The following CLIP4 variants were observed in gnomAD, a reference collection of about 807,000 sequenced individuals.
The protein encoded by CLIP4 is CAP-Gly domain containing linker protein family member 4.
A neutral mutation model predicts 73.1 loss-of-function variants in CLIP4; 47 were observed. The ratio of observed to expected loss-of-function variants is 0.64; its 90% CI spans 0.51 to 0.82. The LOEUF is 0.82. Among genes scored for constraint, CLIP4 ranks in the 40% least tolerant of loss-of-function variants. The probability of loss-of-function intolerance (pLI) is 0.00; values close to 1 mark genes in which losing one functional copy is unlikely to be tolerated. For synonymous variants in CLIP4, 306 were observed against 295.4 expected (o/e 1.04, Z -0.37); for missense variants, 874 against 852.9 (o/e 1.02, Z -0.31).
upstream of CLIP4, among the ~76,000 whole-genome samples, chr2:29,111,635 G>A (rs1401106819): frequency 1.3e-5 from 2 of 151,940 alleles, no homozygotes; most frequent in Non-Finnish European, 2.9e-5. Flanking sequence ...ATTTTATATT[G>A]ACTTCCTTTT....
chr2:29,175,127 G>A (rs1032105215), intron 15 of CLIP4, among the ~76,000 whole-genome samples: 11 of 152,156 alleles, frequency 7.2e-5, no homozygotes, highest in Non-Finnish European at 1.2e-4. Flanking sequence ...TGGGACCCTA[G>A]GAGCCACGAG....
chr2:29,163,639 G>A (rs1398478099), intron 12 of CLIP4, among the ~76,000 whole-genome samples, 192 bp from the exon 13 acceptor site: 2 of 152,000 alleles, frequency 1.3e-5, no homozygotes, highest in Non-Finnish European at 1.5e-5. Context: ...CTTGTAAAAT[G>A]TTTTTCCTGT....
intron 6 of CLIP4, among the ~76,000 whole-genome samples, chr2:29,137,135 A>C (rs1665423093): frequency 6.6e-6 from 1 of 151,896 alleles, no homozygotes; most frequent in African/African-American, 2.4e-5. Flanking sequence ...CCGTCACCCA[A>C]ACAGTGAACA....
At chr2:29,159,754 A>G (rs932215936) in intron 11 of CLIP4, among the ~76,000 whole-genome samples, 11 of 152,172 alleles carry the variant, frequency 7.2e-5, no homozygotes, top group African/African-American at 2.6e-4. Flanking sequence ...GTCTAAGTGA[A>G]CTATTAATAC....
At chr2:29,129,178 T>A (rs1664806932) in intron 2 of CLIP4, among the ~76,000 whole-genome samples, 1 of 152,192 alleles carries the variant, frequency 6.6e-6, no homozygotes. Context: ...AATTCACTTG[T>A]CTAACATGAG....
At chr2:29,130,840 T>G in intron 2 of CLIP4, 1 of 1,289,420 alleles carries the variant, frequency 7.8e-7, no homozygotes, top group Non-Finnish European at 1.0e-6. Context: ...CAAAAAAACC[T>G]CAATGAGTCC....
rs141411564 is a variant in CLIP4 at position 29,106,819 on chromosome 2, T to A, written c.-16+8872T>A. Reference sequence around the variant, plus strand: ...CTTCTGGTTGTGATGATCTTGATGATAAAGATATTGCATGATATATTTTGA... The same window carrying A: ...CTTCTGGTTGTGATGATCTTGATGAAAAAGATATTGCATGATATATTTTGA... On this transcript the variant is annotated intron_variant, in intron 1 of 14. Coordinates refer to the CLIP4 transcript ENST00000401605. 3.1e-3 allele frequency among the ~76,000 whole-genome samples: 476 copies of A among 152,318 alleles called. 1 individual carries two copies. The highest frequency in any genetic ancestry group is 0.011 in the African/African-American group (454 of 41,572).
At position 29,132,188 on chromosome 2, in the gene CLIP4, G is replaced by A; in HGVS notation, c.310G>A (p.Gly104Arg). ...AGGTTGCAATGTGAATGATAGAGAT[G>A]GATTGACAGATATGACTCTTTTACA... Reference protein sequence around the residue: ...KRGCNVNDRDGLTDMTLLHYT... With the variant: ...KRGCNVNDRDRLTDMTLLHYT... Residue 104 changes from glycine (G) to arginine (R), a missense_variant, in exon 4 of 16, where the codon GGA (glycine) becomes AGA (arginine). Transcript: ENST00000320081. The A allele has an allele frequency of 1.2e-6, 2 of 1,613,774 alleles. No individual in the cohort carries two copies. Among genetic ancestry groups the A allele is most frequent in the Non-Finnish European group, 8.5e-7 (1 of 1,179,802 alleles).
chr2:29,142,860 G>A (rs907184268), intron 6 of CLIP4, among the ~76,000 whole-genome samples: 18 of 152,224 alleles, frequency 1.2e-4, no homozygotes, highest in African/African-American at 4.1e-4. Flanking sequence ...GGGAATGTAA[G>A]ATGACAGATA....
At chr2:29,151,115 T>C (rs1240588797) in intron 8 of CLIP4, among the ~76,000 whole-genome samples, 2 of 152,188 alleles carry the variant, frequency 1.3e-5, no homozygotes, top group East Asian at 3.8e-4. Context: ...TTAGAGTATT[T>C]TCTCATGATT....
At chr2:29,098,822 C>T (rs929814279) in intron 1 of CLIP4, among the ~76,000 whole-genome samples, 1 of 152,176 alleles carries the variant, frequency 6.6e-6, no homozygotes, top group African/African-American at 2.4e-5. Flanking sequence ...TTTTGCATTC[C>T]CACCAGCAAT....
At chr2:29,179,327 G>C (rs575476186) in intron 15 of CLIP4, among the ~76,000 whole-genome samples, 1 of 151,860 alleles carries the variant, frequency 6.6e-6, no homozygotes, top group Admixed American at 6.6e-5. Flanking sequence ...ACATTCTTAC[G>C]ACAGAGCCAC....
upstream of CLIP4, among the ~76,000 whole-genome samples, chr2:29,113,464 C>T (rs775567758): frequency 6.6e-6 from 1 of 152,164 alleles, no homozygotes; most frequent in African/African-American, 2.4e-5. This position sits in a 1 kb window ranked among gnomAD's most constrained non-coding sequence, Gnocchi z 4.0. Flanking sequence ...TTGTATGTCA[C>T]GAGGTATTCT....
chr2:29,145,409 AT>A (rs765905727), intron 8 of CLIP4, 42 bp downstream of exon 8: 6 of 1,506,566 alleles, frequency 4.0e-6, no homozygotes, highest in Non-Finnish European at 5.4e-6. Flanking sequence ...TTAATTAAAA[AT>A]AATCAAGTTT....
At chr2:29,133,245 CATATT>C (rs943899371) in intron 4 of CLIP4, among the ~76,000 whole-genome samples, 9 of 152,066 alleles carry the variant, frequency 5.9e-5, no homozygotes, top group African/African-American at 2.2e-4. Context: ...AATGAGAAGA[CATATT>C]AAATAGGGAA....
At position 29,167,481 on chromosome 2, in the gene CLIP4, C is replaced by G. The variant is rs770838161; in HGVS notation, c.1664C>G (p.Thr555Arg). 6.2e-7 allele frequency: 1 copy of G among 1,606,134 alleles called. No individual in the cohort carries two copies. Among genetic ancestry groups the G allele is most frequent in the Non-Finnish European group, 8.5e-7 (1 of 1,176,200 alleles). ...GTCCTTTGTTTTATTCATAGAGTAACAGATTCCCTGGATACCCTTTCAGAA... is the reference window on the plus strand; with the variant it reads ...GTCCTTTGTTTTATTCATAGAGTAAGAGATTCCCTGGATACCCTTTCAGAA... ...FAPPSRVQRV[T>R]DSLDTLSEIS... The change falls in exon 14 of 16, where the codon ACA becomes AGA. Residue 555 changes from threonine to arginine, a missense_variant. By Grantham distance (71) the Thr-to-Arg change is moderately conservative (BLOSUM62 -1). Transcript: ENST00000320081.
intron 8 of CLIP4, 86 bp from the exon 9 acceptor site, chr2:29,152,599 A>G (rs1666646965): frequency 2.1e-6 from 3 of 1,402,570 alleles, no homozygotes; most frequent in Non-Finnish European, 2.9e-6. Context: ...TTTATATTAA[A>G]GATTTATGTT....
chr2:29,124,512 G>A (rs967649835), intron 2 of CLIP4, among the ~76,000 whole-genome samples: 5 of 152,050 alleles, frequency 3.3e-5, no homozygotes, highest in African/African-American at 1.2e-4. Context: ...TTAAGTTTGG[G>A]AAATCATTTA....
In CLIP4 at chr2:29,183,442, A is replaced by G. The variant is rs1668735273; in HGVS notation, c.*1549A>G. 1 of 152,668 alleles carries G rather than the reference A, an allele frequency of 6.6e-6. No homozygotes were observed. The allele number at this position is 152,668 out of a possible 1,614,324, so 9.5% of individuals were successfully genotyped here. On this transcript the variant is annotated 3_prime_UTR_variant, in exon 16 of 16. Transcript: ENST00000320081. Reference sequence around the variant, plus strand: ...ATCAAGGAATATTTTTATTGATTGAAGGAAATGACTGTACTGCGATTCAAA... The same window carrying G: ...ATCAAGGAATATTTTTATTGATTGAGGGAAATGACTGTACTGCGATTCAAA...
Sources: allele counts gnomAD v4.1 joint callset (sites outside exome capture counted in the v4.1 genomes callset), GRCh38; gene constraint gnomAD v4.1.1; non-coding constraint Gnocchi (gnomAD v3.1); transcripts MANE v1.5; gene names NCBI Gene and HGNC (gene_info 2026-07-23, HGNC 2026-07-21).